PCDH15: variants seen among roughly 807,000 people sequenced by gnomAD.
The protein encoded by PCDH15 is protocadherin-15.
PCDH15 carries 129 observed loss-of-function variants against 178.5 expected under a neutral mutation model. The ratio of observed to expected loss-of-function variants is 0.72; its 90% CI spans 0.63 to 0.84. The LOEUF (loss-of-function observed/expected upper bound fraction) is 0.84. PCDH15 is among the 40% of genes least tolerant of loss of function. The probability of loss-of-function intolerance (pLI) is 0.00; values close to 1 mark genes in which losing one functional copy is unlikely to be tolerated. For synonymous variants in PCDH15, 800 were observed against 732.0 expected (o/e 1.09, Z -1.50); for missense variants, 2,230 against 2,099.9 (o/e 1.06, Z -1.21).
chr10:54,509,599 T>A (rs957919957), intron 3 of PCDH15, among the ~76,000 whole-genome samples: 4 of 152,184 alleles, frequency 2.6e-5, no homozygotes, highest in African/African-American at 7.2e-5. Flanking sequence ...TCTCTCCTAA[T>A]CGACGTGCCA....
At chr10:54,673,517 C>T (rs759325811) in intron 1 of PCDH15, among the ~76,000 whole-genome samples, 1 of 152,080 alleles carries the variant, frequency 6.6e-6, no homozygotes, top group African/African-American at 2.4e-5. Context: ...CGGCTCACTG[C>T]GACCTCCTCC....
chr10:54,907,396 AT>A (rs749988532), intron 2 of PCDH15, among the ~76,000 whole-genome samples: 1 of 152,130 alleles, frequency 6.6e-6, no homozygotes, highest in Non-Finnish European at 1.5e-5. Flanking sequence ...TACACTATAA[AT>A]CCCCCCTGCA....
At chr10:53,941,401 T>C (rs2086053353) in intron 23 of PCDH15, among the ~76,000 whole-genome samples, 1 of 152,162 alleles carries the variant, frequency 6.6e-6, no homozygotes, top group South Asian at 2.1e-4. Flanking sequence ...TTCCAGAATG[T>C]TGTATAGCTG....
At chr10:55,345,519 C>G (rs1844729923) in intron 2 of PCDH15, among the ~76,000 whole-genome samples, 2 of 152,068 alleles carry the variant, frequency 1.3e-5, no homozygotes, top group South Asian at 4.1e-4. Context: ...TCTTGTCGGT[C>G]CTGTACTCTA....
intron 1 of PCDH15, among the ~76,000 whole-genome samples, chr10:54,691,478 G>A (rs1202128280): frequency 2.6e-5 from 4 of 151,848 alleles, no homozygotes; most frequent in African/African-American, 9.7e-5. Context: ...CTGACAATGA[G>A]TTGAGAATGA....
intron 2 of PCDH15, among the ~76,000 whole-genome samples, chr10:54,632,023 C>T (rs2134706028): frequency 6.6e-6 from 1 of 152,124 alleles, no homozygotes. Context: ...ATCATCAAGA[C>T]ATGGAATCAA....
intron 2 of PCDH15, among the ~76,000 whole-genome samples, chr10:55,073,591 C>T (rs182984214): frequency 1.7e-3 from 265 of 152,192 alleles, no homozygotes; most frequent in African/African-American, 6.2e-3. Flanking sequence ...TCATCAGGGA[C>T]ATTGGCCTGT....
chr10:54,925,584 G>A (rs918571832), intron 2 of PCDH15, among the ~76,000 whole-genome samples: 2 of 152,210 alleles, frequency 1.3e-5, no homozygotes, highest in African/African-American at 4.8e-5. Context: ...AGCATGCGAT[G>A]TTTTTCCATT....
chr10:55,473,404 C>T (rs56406711), intron 2 of PCDH15, among the ~76,000 whole-genome samples: 1 of 151,884 alleles, frequency 6.6e-6, no homozygotes, highest in Non-Finnish European at 1.5e-5. Flanking sequence ...CCAGTGCAAT[C>T]TCAGCAATAA....
intron 18 of PCDH15, among the ~76,000 whole-genome samples, chr10:54,026,793 A>G (rs1371764596): frequency 6.6e-6 from 1 of 152,178 alleles, no homozygotes; most frequent in African/African-American, 2.4e-5. Context: ...CTTATCTCAA[A>G]ATAATAAGAG....
intron 11 of PCDH15, among the ~76,000 whole-genome samples, chr10:54,187,011 T>C (rs948824808): frequency 6.6e-6 from 1 of 151,978 alleles, no homozygotes; most frequent in African/African-American, 2.4e-5. Flanking sequence ...AGTATGAATG[T>C]CTGCCATTTG....
chr10:54,391,185 AT>A (rs1284177892), intron 3 of PCDH15, among the ~76,000 whole-genome samples: 1 of 152,194 alleles, frequency 6.6e-6, no homozygotes, highest in Non-Finnish European at 1.5e-5. Flanking sequence ...ACAGTGAGTA[AT>A]TGCTGCAGCC....
chr10:54,033,876 T>G lies in PCDH15; in HGVS notation c.2221-10679A>C, dbSNP rs544198115. On this transcript the variant is annotated intron_variant, in intron 18 of 37. Coordinates refer to ENST00000644397, the MANE Select transcript of PCDH15 (RefSeq NM_001384140.1). ...CAAGTTTTAATTTTCTTTTTTCTAG[T>G]ATTCTGTTGGGTTCAATATAAACAT... 2.6e-5 allele frequency among the ~76,000 whole-genome samples: 4 copies of G among 152,124 alleles called. No individual in the cohort carries two copies. The South Asian group carries it at 8.3e-4, about 32-fold the overall frequency.
chr10:54,503,485 A>T (rs1020834988), intron 3 of PCDH15, among the ~76,000 whole-genome samples: 2 of 150,126 alleles, frequency 1.3e-5, no homozygotes, highest in African/African-American at 4.9e-5. Context: ...TTGCAGCCAG[A>T]AATAGGAACA....
chr10:55,566,334 A>G (rs768617572), intron 2 of PCDH15, among the ~76,000 whole-genome samples: 8 of 151,722 alleles, frequency 5.3e-5, no homozygotes, highest in Admixed American at 2.0e-4. Flanking sequence ...AAATTCATAT[A>G]TAAAAGTCCC....
chr10:54,968,037 G>A (rs188436680), intron 2 of PCDH15, among the ~76,000 whole-genome samples: 5 of 152,078 alleles, frequency 3.3e-5, no homozygotes, highest in Admixed American at 2.0e-4. Context: ...TTTAACATAC[G>A]CATTTTGGGG....
At chr10:54,903,558 AT>A (rs946360981) in intron 2 of PCDH15, among the ~76,000 whole-genome samples, 2 of 149,844 alleles carry the variant, frequency 1.3e-5, no homozygotes, top group Non-Finnish European at 3.0e-5. Flanking sequence ...AACTAAACCT[AT>A]TTTTTGCCAT....
At chr10:54,400,922 T>C (rs1951852023) in intron 3 of PCDH15, among the ~76,000 whole-genome samples, 1 of 152,050 alleles carries the variant, frequency 6.6e-6, no homozygotes, top group East Asian at 1.9e-4. Context: ...TTTTTATAGG[T>C]ATTGTTCATC....
At chr10:54,824,093 C>A (rs1953088720) in intron 3 of PCDH15, among the ~76,000 whole-genome samples, 1 of 152,076 alleles carries the variant, frequency 6.6e-6, no homozygotes, top group Non-Finnish European at 1.5e-5. Flanking sequence ...TGTCTGAATG[C>A]CAGTGGAAGA....
Sources: gnomAD v4.1 joint callset for allele counts (sites outside exome capture counted in the v4.1 genomes callset) on GRCh38, gnomAD v4.1.1 for gene constraint, MANE v1.5 for transcripts, NCBI Gene and HGNC (gene_info 2026-07-23, HGNC 2026-07-21) for gene names.